The following ERC2 variants were observed in gnomAD, a reference collection of about 807,000 sequenced individuals.
The protein encoded by ERC2 is ERC protein 2.
In ERC2, 42 loss-of-function variants were observed where a neutral mutation model predicts 114.8. The ratio of observed to expected loss-of-function variants is 0.37; its 90% CI spans 0.29 to 0.47. ERC2 has a LOEUF of 0.47. Among genes scored for constraint, ERC2 ranks in the 20% least tolerant of loss-of-function variants. ERC2 has a pLI of 0.99. For missense variants in ERC2, 939 were observed against 1,150.7 expected, an observed-to-expected ratio of 0.82 and a Z score of 2.66; for synonymous variants, 454 against 425.5, an observed-to-expected ratio of 1.07 and a Z score of -0.82.
chr3:56,035,740 T>C (rs1302918000), intron 7 of ERC2, among the ~76,000 whole-genome samples: 1 of 152,216 alleles, frequency 6.6e-6, no homozygotes, highest in African/African-American at 2.4e-5. Context: ...CACTTTGAAT[T>C]GGACTTCTCA....
chr3:55,952,664 C>CT (rs916355220), intron 12 of ERC2, among the ~76,000 whole-genome samples: 7 of 152,110 alleles, frequency 4.6e-5, no homozygotes, highest in Non-Finnish European at 8.8e-5. Flanking sequence ...AATCTTATTA[C>CT]TTTAGAATAC....
intron 1 of ERC2, among the ~76,000 whole-genome samples, chr3:56,456,416 T>C (rs1175862368): frequency 6.6e-6 from 1 of 152,232 alleles, no homozygotes; most frequent in Non-Finnish European, 1.5e-5. Flanking sequence ...TATGTACTTT[T>C]TAAAAAGCTG....
chr3:55,585,025 A>G (rs758888450), intron 17 of ERC2, among the ~76,000 whole-genome samples: 2 of 152,170 alleles, frequency 1.3e-5, no homozygotes, highest in Non-Finnish European at 2.9e-5. Flanking sequence ...ATGTCAATCC[A>G]TTTGGTGGGG....
At chr3:55,832,668 C>T (rs1162939983) in intron 14 of ERC2, among the ~76,000 whole-genome samples, 1 of 152,166 alleles carries the variant, frequency 6.6e-6, no homozygotes, top group Non-Finnish European at 1.5e-5. Flanking sequence ...GAAAACAGAG[C>T]AGAAAAACTG....
intron 15 of ERC2, among the ~76,000 whole-genome samples, chr3:55,727,215 G>A (rs1372058000): frequency 2.6e-5 from 4 of 152,144 alleles, no homozygotes; most frequent in Non-Finnish European, 5.9e-5. Flanking sequence ...AAAAGGAAAG[G>A]TGGTAATTTT....
intron 17 of ERC2, among the ~76,000 whole-genome samples, chr3:55,678,711 G>A (rs940105389): frequency 2.6e-5 from 4 of 152,148 alleles, no homozygotes; most frequent in African/African-American, 9.7e-5. Context: ...TCAAAAGCCT[G>A]CCCTTCCCTT....
At chr3:56,352,663 T>G (rs377509595) in intron 2 of ERC2, among the ~76,000 whole-genome samples, 6 of 152,214 alleles carry the variant, frequency 3.9e-5, no homozygotes, top group African/African-American at 1.4e-4. Context: ...GGAGTCTAAA[T>G]ATGACTTAGC....
intron 3 of ERC2, among the ~76,000 whole-genome samples, chr3:56,269,890 G>T (rs1279199454): frequency 6.6e-6 from 1 of 152,092 alleles, no homozygotes; most frequent in African/African-American, 2.4e-5. Context: ...TGGTCACTTG[G>T]GGAATAGTCT....
At chr3:56,396,677 T>G (rs1431777887) in intron 2 of ERC2, among the ~76,000 whole-genome samples, 1 of 152,128 alleles carries the variant, frequency 6.6e-6, no homozygotes, top group Non-Finnish European at 1.5e-5. Context: ...AGTTTTAGGG[T>G]TTTTTTGTTT....
intron 17 of ERC2, chr3:55,606,774 T>C (rs957896915): frequency 2.0e-5 from 3 of 152,346 alleles, no homozygotes; most frequent in East Asian, 1.9e-4. Context: ...AAAGTAAACA[T>C]TGGACCTGCT....
intron 3 of ERC2, among the ~76,000 whole-genome samples, chr3:56,232,823 T>A (rs2050714042): frequency 6.6e-6 from 1 of 152,236 alleles, no homozygotes. Context: ...TTCTACACAC[T>A]AGAATTCTTC....
intron 16 of ERC2, among the ~76,000 whole-genome samples, chr3:55,687,587 G>T (rs907316670): frequency 6.6e-6 from 1 of 152,166 alleles, no homozygotes; most frequent in Non-Finnish European, 1.5e-5. Context: ...GGTCCACCTG[G>T]CTACCTTGCT....
chr3:56,348,901 AAGGAAAGAAG>A (rs2058427283), intron 2 of ERC2, among the ~76,000 whole-genome samples: 1,803 of 32,202 alleles, frequency 0.056, 20 homozygotes, highest in Non-Finnish European at 0.12. Context: ...GGAAGGAAGG[AAGGAAAGAAG>A]GAAGGAAGGA....
intron 6 of ERC2, among the ~76,000 whole-genome samples, chr3:56,121,532 T>G (rs992570669): frequency 6.6e-6 from 1 of 152,212 alleles, no homozygotes; most frequent in African/African-American, 2.4e-5. Context: ...TTTTTTATAT[T>G]AATTTTCAAA....
At chr3:56,332,758 C>A (rs1298585620) in intron 2 of ERC2, among the ~76,000 whole-genome samples, 1 of 152,168 alleles carries the variant, frequency 6.6e-6, no homozygotes, top group African/African-American at 2.4e-5. Flanking sequence ...CTTCAGGGTC[C>A]TTCTAATCAG....
chr3:56,209,179 C>T (rs10433552), intron 3 of ERC2, among the ~76,000 whole-genome samples: 68,197 of 151,862 alleles, frequency 0.45, 15,875 homozygotes, highest in East Asian at 0.72. Flanking sequence ...CAGATCACTG[C>T]TGATTTCAGT....
chr3:55,617,116 CTG>C (rs2059152720), intron 17 of ERC2, among the ~76,000 whole-genome samples: 1 of 152,180 alleles, frequency 6.6e-6, no homozygotes, highest in Non-Finnish European at 1.5e-5. Flanking sequence ...TGGGGAGACT[CTG>C]AGAACTCAGA....
intron 3 of ERC2, among the ~76,000 whole-genome samples, chr3:56,199,876 A>C (rs2048312600): frequency 1.3e-5 from 2 of 152,062 alleles, no homozygotes; most frequent in South Asian, 4.2e-4. Context: ...GAAACTGTGG[A>C]CTCAGGACAC....
intron 1 of ERC2, among the ~76,000 whole-genome samples, chr3:56,459,298 A>G (rs1198645354): frequency 6.6e-6 from 1 of 152,246 alleles, no homozygotes; most frequent in Non-Finnish European, 1.5e-5. Flanking sequence ...CGGTTTGCAT[A>G]AGGATCTGAG....
Sources: gnomAD v4.1 joint callset for allele counts (sites outside exome capture counted in the v4.1 genomes callset) on GRCh38, gnomAD v4.1.1 for gene constraint, MANE v1.5 for transcripts, NCBI Gene and HGNC (gene_info 2026-07-23, HGNC 2026-07-21) for gene names.